DNAH12: variants seen among roughly 807,000 people sequenced by gnomAD.
DNAH12 encodes dynein axonemal heavy chain 12.
In DNAH12, 285 loss-of-function variants were observed where a neutral mutation model predicts 371.5. That is an observed-to-expected ratio of 0.77 (90% CI 0.70 to 0.85). The LOEUF is 0.85. Among genes scored for constraint, DNAH12 ranks in the 40% least tolerant of loss-of-function variants. The pLI, the probability that DNAH12 is intolerant of heterozygous loss-of-function variation, is 0.00. For synonymous variants in DNAH12, 1,200 were observed against 1,213.0 expected (o/e 0.99, Z 0.22); for missense variants, 3,611 against 3,689.4 (o/e 0.98, Z 0.55).
chr3:57,429,119 G>C (rs1377978155), intron 33 of DNAH12, among the ~76,000 whole-genome samples: 1 of 151,802 alleles, frequency 6.6e-6, no homozygotes, highest in Non-Finnish European at 1.5e-5. Context: ...CAAACACTCA[G>C]TTACCTTCCA....
chr3:57,301,714 ACACACACACACAC>A lies in DNAH12; in HGVS notation c.11394+8_11394+20del, dbSNP rs745418145. 6.7e-4 allele frequency: 1,002 copies of A among 1,505,192 alleles called. No individual in the cohort carries two copies. Among genetic ancestry groups the A allele is most frequent in the Non-Finnish European group, 8.2e-4 (906 of 1,109,320 alleles). The allele number at this position is 1,505,192 out of a possible 1,614,324, so 93.2% of individuals were successfully genotyped here. On this transcript the variant is annotated splice_region_variant and intron_variant, in intron 70 of 73. Coordinates refer to ENST00000495027, the MANE Select transcript of DNAH12 (RefSeq NM_001366028.2). ...CACACACACACACACACACACACAC[ACACACACACACAC>A]ATTTTACCTGTAAAAAGTTCAACCG...
At chr3:57,499,568 A>G (rs553449383) in intron 11 of DNAH12, among the ~76,000 whole-genome samples, 13 of 141,440 alleles carry the variant, frequency 9.2e-5, no homozygotes, top group South Asian at 4.6e-4. Context: ...CCAAGGTGGG[A>G]GGACTGCTTG....
At chr3:57,449,381 C>T (rs896169438) in intron 25 of DNAH12, among the ~76,000 whole-genome samples, 6 of 152,220 alleles carry the variant, frequency 3.9e-5, no homozygotes, top group Admixed American at 6.5e-5. Flanking sequence ...TGGGACTGGG[C>T]GCCATGGAGC....
At chr3:57,408,672 G>T in intron 39 of DNAH12, 137 bp from the exon 40 acceptor site, 1 of 1,116,344 alleles carries the variant, frequency 9.0e-7, no homozygotes, top group Non-Finnish European at 1.2e-6. Context: ...CTTTGAGTAG[G>T]AGAGAAATTT....
chr3:57,543,562 T>C (rs1253017764), intron 1 of DNAH12, among the ~76,000 whole-genome samples: 1 of 149,820 alleles, frequency 6.7e-6, no homozygotes, highest in African/African-American at 2.5e-5. Flanking sequence ...CCTCAGATGA[T>C]TTCCCGCCTC....
chr3:57,454,960 C>G, intron 22 of DNAH12, 66 bp from the exon 23 acceptor site: 1 of 1,503,316 alleles, frequency 6.7e-7, no homozygotes, highest in Non-Finnish European at 8.9e-7. Context: ...AAATGTCTAA[C>G]AATAGAGAAA....
At chr3:57,444,956 A>G in intron 28 of DNAH12, 140 bp from the exon 29 acceptor site, 1 of 1,194,446 alleles carries the variant, frequency 8.4e-7, no homozygotes, top group East Asian at 2.7e-5. Context: ...GCTCTCTGGA[A>G]TCCCTATAAT....
intron 63 of DNAH12, 55 bp from the exon 64 acceptor site, chr3:57,323,315 T>C: frequency 6.6e-7 from 1 of 1,519,894 alleles, no homozygotes; most frequent in Non-Finnish European, 8.8e-7. Flanking sequence ...TATAAAAAAG[T>C]GCCTTATGTA....
intron 2 of DNAH12, among the ~76,000 whole-genome samples, chr3:57,532,252 T>C (rs1287234624): frequency 1.3e-5 from 2 of 152,340 alleles, no homozygotes; most frequent in Non-Finnish European, 2.9e-5. Context: ...CTCTGTGTTA[T>C]CTCGAATTTC....
chr3:57,504,559 G>T (rs781324861), intron 8 of DNAH12, among the ~76,000 whole-genome samples: 2 of 151,496 alleles, frequency 1.3e-5, no homozygotes, highest in African/African-American at 2.4e-5. Flanking sequence ...TACGGCGCGT[G>T]CCACCACACC....
At chr3:57,520,604 A>G (rs1321355822) in intron 4 of DNAH12, among the ~76,000 whole-genome samples, 13 of 151,230 alleles carry the variant, frequency 8.6e-5, no homozygotes, top group Admixed American at 5.9e-4. Flanking sequence ...CACCACGCCC[A>G]GCTAATTTTT....
chr3:57,328,019 T>G (rs1575458048), intron 62 of DNAH12, among the ~76,000 whole-genome samples: 1 of 151,474 alleles, frequency 6.6e-6, no homozygotes, highest in East Asian at 2.0e-4. Context: ...AGGAAGAAGT[T>G]GAATCTCTGA....
intron 35 of DNAH12, among the ~76,000 whole-genome samples, chr3:57,422,138 T>G (rs1324827559): frequency 1.3e-5 from 2 of 151,912 alleles, no homozygotes; most frequent in Admixed American, 1.3e-4. Context: ...GGTCTTAAAC[T>G]CCTAGACTCA....
At chr3:57,553,478 A>G in the DNAH12 span, among the ~76,000 whole-genome samples, 1 of 152,206 alleles carries the variant, frequency 6.6e-6, no homozygotes, top group Admixed American at 6.5e-5. Flanking sequence ...ATAAGGATGC[A>G]GAGTTGCGCC....
At chr3:57,450,105 A>G (rs770818784) in intron 25 of DNAH12, among the ~76,000 whole-genome samples, 12 of 152,188 alleles carry the variant, frequency 7.9e-5, no homozygotes, top group Admixed American at 2.6e-4. Context: ...AAAATCAGCC[A>G]GGTACAGTGG....
intron 7 of DNAH12, 115 bp from the exon 8 acceptor site, chr3:57,507,953 CT>C: frequency 1.1e-6 from 1 of 891,410 alleles, no homozygotes. Flanking sequence ...CTTTGGGAGG[CT>C]GAGGCAGGCA....
rs1304670150 is a variant in DNAH12, at chr3:57,445,560, AG to A, written c.4180-142del. ...TTTCTAAACTCTAATTTTTTTTAGT[AG>A]TACTTTTAATATTTTTATGCAGTTA... On this transcript the variant is annotated intron_variant, in intron 27 of 73. Coordinates refer to ENST00000495027, the MANE Select transcript of DNAH12 (RefSeq NM_001366028.2). The A allele has an allele frequency of 3.6e-5, 25 of 698,830 alleles. No homozygotes were observed. In the African/African-American group the frequency reaches 4.1e-4, roughly 11 times the overall value. 43.3% of individuals were successfully genotyped at this position (698,830 alleles called of 1,614,324 possible).
intron 13 of DNAH12, among the ~76,000 whole-genome samples, chr3:57,477,167 T>C (rs1162089034): frequency 6.6e-6 from 1 of 152,168 alleles, no homozygotes; most frequent in African/African-American, 2.4e-5. Flanking sequence ...GAGAATTCCC[T>C]TTCCCAGTCA....
rs2063409864 is a variant in DNAH12, at chr3:57,382,309, C to T, written c.7945G>A (p.Asp2649Asn). ...LVMAAVCVMK[D>N]IKPEKISDPS... Reference sequence around the variant, plus strand: ...TCTGAAATTTTTTCTGGTTTTATATCTTTCATGACACAAACAGCAGCCATA... The same window carrying T: ...TCTGAAATTTTTTCTGGTTTTATATTTTTCATGACACAAACAGCAGCCATA... The change falls in exon 50 of 74, where the codon GAT (aspartate) becomes AAT (asparagine). Residue 2649 changes from aspartate (D) to asparagine (N), a missense_variant. Around this residue, in one of 3 missense-constraint regions of DNAH12, gnomAD observed 2,266 missense variants for 2,236.9 expected, o/e 1.01. Transcript: ENST00000495027. 1 of 152,070 alleles carries T rather than the reference C, an allele frequency of 6.6e-6. No homozygotes were observed. Among genetic ancestry groups the T allele is most frequent in the African/African-American group, 2.4e-5 (1 of 41,400 alleles). The allele number at this position is 152,070 out of a possible 1,614,324, so 9.4% of individuals were successfully genotyped here.
Sources: allele counts gnomAD v4.1 joint callset (sites outside exome capture counted in the v4.1 genomes callset), GRCh38; gene constraint gnomAD v4.1.1; regional missense constraint gnomAD v4.1.1; transcripts MANE v1.5; gene names NCBI Gene and HGNC (gene_info 2026-07-23, HGNC 2026-07-21).